The following WWTR1 variants were observed in gnomAD, a reference collection of about 807,000 sequenced individuals.
WWTR1 encodes WW domain-containing transcription regulator protein 1.
In WWTR1, 13 loss-of-function variants were observed where a neutral mutation model predicts 40.1. The ratio of observed to expected loss-of-function variants is 0.32; its 90% CI spans 0.21 to 0.52. The LOEUF is 0.52. Ranked by LOEUF, WWTR1 falls within the 20% of genes least tolerant of loss-of-function variation. WWTR1 has a pLI of 0.97. For synonymous variants in WWTR1, 230 were observed against 210.1 expected (o/e 1.09, Z -0.82); for missense variants, 436 against 523.1 (o/e 0.83, Z 1.63).
rs1371247561 is a variant in WWTR1 at position 149,518,101 on chromosome 3, TTA to T, written c.*2702_*2703del. The T allele has an allele frequency of 2.6e-5, 4 of 152,144 alleles. No individual in the cohort carries two copies. The highest frequency in any genetic ancestry group is 5.9e-5 in the Non-Finnish European group (4 of 68,006). The allele number at this position is 152,144 out of a possible 1,614,324, so 9.4% of individuals were successfully genotyped here. A position where few individuals can be genotyped will look rare whatever the true frequency, so the allele number is the denominator to read the frequency against. On this transcript the variant is annotated 3_prime_UTR_variant, in exon 7 of 7. Transcript: ENST00000360632. ...TTTAGATTTCTAACTTTAGTGTTCT[TTA>T]ACAAAGGCCATATTTTGTGGCCTTA...
At chr3:149,657,382 G>C in intron 1 of WWTR1, 73 bp from the exon 2 acceptor site, 1 of 1,458,196 alleles carries the variant, frequency 6.9e-7, no homozygotes, top group East Asian at 2.4e-5. Context: ...CAGGGTGAGA[G>C]GGCGAGATGG....
intron 1 of WWTR1, among the ~76,000 whole-genome samples, chr3:149,681,219 A>G (rs1414499558): frequency 6.6e-6 from 1 of 152,216 alleles, no homozygotes; most frequent in Admixed American, 6.5e-5. Flanking sequence ...ATGGCTGATT[A>G]TATGTTATAT....
intron 4 of WWTR1, among the ~76,000 whole-genome samples, chr3:149,536,648 C>T (rs56233819): frequency 1.0e-3 from 158 of 152,090 alleles, no homozygotes; most frequent in African/African-American, 3.7e-3. Context: ...AAAAGAATTC[C>T]GAGGCCTCCC....
At chr3:149,673,068 A>G (rs1241604413) in intron 1 of WWTR1, among the ~76,000 whole-genome samples, 1 of 152,212 alleles carries the variant, frequency 6.6e-6, no homozygotes, top group Non-Finnish European at 1.5e-5. Context: ...ATAGGAGTAA[A>G]AATAAATGTT....
intron 3 of WWTR1, among the ~76,000 whole-genome samples, chr3:149,561,058 A>G (rs1317019192): frequency 1.3e-5 from 2 of 152,016 alleles, no homozygotes; most frequent in African/African-American, 4.8e-5. Context: ...AAATGTTTAT[A>G]TTTTATTCAG....
chr3:149,649,690 G>A (rs59303788), intron 2 of WWTR1: 6,449 of 152,234 alleles, frequency 0.042, 407 homozygotes, highest in East Asian at 0.18. Context: ...GCCATGGTGG[G>A]CAGATCACCT....
intron 2 of WWTR1, among the ~76,000 whole-genome samples, chr3:149,639,480 T>C (rs1004527555): frequency 3.9e-5 from 6 of 152,122 alleles, no homozygotes; most frequent in Non-Finnish European, 8.8e-5. Flanking sequence ...AGTTCTGGGA[T>C]TATAAGTGTG....
chr3:149,582,560 T>C (rs1306273145), intron 2 of WWTR1, among the ~76,000 whole-genome samples: 4 of 143,150 alleles, frequency 2.8e-5, no homozygotes, highest in Non-Finnish European at 6.1e-5. Context: ...ATCTTATCTC[T>C]AAAAAAAAAA....
At chr3:149,612,813 G>A (rs140627143) in intron 2 of WWTR1, among the ~76,000 whole-genome samples, 4 of 152,154 alleles carry the variant, frequency 2.6e-5, no homozygotes, top group Non-Finnish European at 5.9e-5. Context: ...CATGAACATC[G>A]TCTCCTCTTA....
At chr3:149,623,583 A>C (rs944524722) in intron 2 of WWTR1, among the ~76,000 whole-genome samples, 1 of 152,148 alleles carries the variant, frequency 6.6e-6, no homozygotes, top group African/African-American at 2.4e-5. Context: ...GAATTAATCC[A>C]TTTTTTGTCC....
At chr3:149,532,876 C>T (rs899333447) in intron 4 of WWTR1, among the ~76,000 whole-genome samples, 1 of 152,182 alleles carries the variant, frequency 6.6e-6, no homozygotes, top group Non-Finnish European at 1.5e-5. Flanking sequence ...GAAGCAAAGA[C>T]AAAGACAGGC....
chr3:149,688,995 G>A (rs2864415), intron 1 of WWTR1, among the ~76,000 whole-genome samples: 102,413 of 152,056 alleles, frequency 0.67, 34,665 homozygotes, highest in Middle Eastern at 0.72. Flanking sequence ...GAAAAATTCA[G>A]TTGAGAAACT....
chr3:149,677,545 A>G (rs1714308670), intron 1 of WWTR1, among the ~76,000 whole-genome samples: 1 of 152,108 alleles, frequency 6.6e-6, no homozygotes, highest in African/African-American at 2.4e-5. Context: ...GTGTTCCCAC[A>G]GGAACCTAAA....
chr3:149,544,471 T>C (rs1316865632), intron 3 of WWTR1, among the ~76,000 whole-genome samples: 1 of 151,716 alleles, frequency 6.6e-6, no homozygotes, highest in Non-Finnish European at 1.5e-5. Context: ...GGAAGAGAGG[T>C]GTGAAGAAAT....
Position 149,527,944 on chromosome 3 carries a change from G to C in WWTR1, c.797C>G (p.Pro266Arg). The change falls in exon 5 of 7, where the codon CCC becomes CGC. Residue 266 changes from proline (P) to arginine (R), a missense_variant. Transcript: ENST00000360632. ...RQEAALCRQLPMEAETLAPVQ... is the reference protein window; with the variant it reads ...RQEAALCRQLRMEAETLAPVQ... The stretch of plus-strand genomic sequence containing the variant: ...TGGGGCAAGAGTCTCAGCTTCCATG[G>C]GGAGCTGTCGACAGAGGGCAGCTTC... The C allele has an allele frequency of 6.2e-7, 1 of 1,614,076 alleles. No individual in the cohort carries two copies. The highest frequency in any genetic ancestry group is 8.5e-7 in the Non-Finnish European group (1 of 1,180,014).
chr3:149,672,141 A>G (rs1034340702), intron 1 of WWTR1, among the ~76,000 whole-genome samples: 2 of 152,050 alleles, frequency 1.3e-5, no homozygotes, highest in Non-Finnish European at 2.9e-5. Context: ...CAAAAAACAA[A>G]CAAACAAACA....
At chr3:149,547,790 T>A (rs1010353071) in intron 3 of WWTR1, among the ~76,000 whole-genome samples, 1 of 151,992 alleles carries the variant, frequency 6.6e-6, no homozygotes, top group Non-Finnish European at 1.5e-5. Flanking sequence ...ATTTATCTTT[T>A]TCTTTTTCAT....
intron 3 of WWTR1, among the ~76,000 whole-genome samples, chr3:149,545,196 G>A (rs2107943255): frequency 6.6e-6 from 1 of 152,232 alleles, no homozygotes; most frequent in Middle Eastern, 3.4e-3. Flanking sequence ...GAGGTAAAGG[G>A]TTTTGCACAG....
At chr3:149,544,447 A>G (rs1736276795) in intron 3 of WWTR1, among the ~76,000 whole-genome samples, 2 of 152,200 alleles carry the variant, frequency 1.3e-5, no homozygotes, top group African/African-American at 4.8e-5. Flanking sequence ...CTTCATGAGA[A>G]CTAACGGACT....
Sources: allele counts gnomAD v4.1 joint callset (sites outside exome capture counted in the v4.1 genomes callset), GRCh38; gene constraint gnomAD v4.1.1; transcripts MANE v1.5; gene names NCBI Gene and HGNC (gene_info 2026-07-23, HGNC 2026-07-21).